Variants in LRRC18 observed in about 807,000 individuals in gnomAD.
The protein encoded by LRRC18 is leucine-rich repeat-containing protein 18.
A neutral mutation model predicts 11.2 loss-of-function variants in LRRC18; 12 were observed. That is an observed-to-expected ratio of 1.07 (90% CI 0.69 to 1.74). LRRC18 has a LOEUF of 1.74. LRRC18 is among the 40% of genes most tolerant of loss of function. LRRC18 has a pLI of 0.00. For synonymous variants in LRRC18, 155 were observed against 130.6 expected (o/e 1.19, Z -1.27); for missense variants, 374 against 330.5 (o/e 1.13, Z -1.02).
the LRRC18 span, among the ~76,000 whole-genome samples, chr10:48,919,491 T>G: frequency 6.6e-6 from 1 of 152,224 alleles, no homozygotes; most frequent in South Asian, 2.1e-4. Flanking sequence ...CAGGCTACTA[T>G]AACAAAGTAC....
chr10:48,928,158 G>A, the LRRC18 span, among the ~76,000 whole-genome samples: 3 of 152,138 alleles, frequency 2.0e-5, no homozygotes, highest in Non-Finnish European at 4.4e-5. Context: ...TCAGAGAAGC[G>A]GCTTGGCAGG....
chr10:48,932,827 G>T, the LRRC18 span, among the ~76,000 whole-genome samples: 1 of 152,246 alleles, frequency 6.6e-6, no homozygotes. Flanking sequence ...TTCTGAGAAA[G>T]CGACATCTGA....
the LRRC18 span, among the ~76,000 whole-genome samples, chr10:48,934,119 G>A: frequency 2.0e-5 from 3 of 152,296 alleles, no homozygotes; most frequent in Non-Finnish European, 4.4e-5. Flanking sequence ...CCTCCTAGAC[G>A]TGTGACTTTG....
the LRRC18 span, among the ~76,000 whole-genome samples, chr10:48,919,671 G>T: frequency 6.6e-6 from 1 of 152,150 alleles, no homozygotes; most frequent in Non-Finnish European, 1.5e-5. Context: ...CAAAACAATT[G>T]TCTGGAGCCC....
chr10:48,929,755 G>A, the LRRC18 span, among the ~76,000 whole-genome samples: 2 of 152,106 alleles, frequency 1.3e-5, no homozygotes, highest in Admixed American at 1.3e-4. Flanking sequence ...TCTGTCCCAA[G>A]CCCAGCTCCC....
chr10:48,937,939 GC>G, the LRRC18 span, among the ~76,000 whole-genome samples: 7 of 152,060 alleles, frequency 4.6e-5, no homozygotes, highest in Admixed American at 4.6e-4. Context: ...GCCACACTCT[GC>G]CCCCAGCATC....
At chr10:48,916,531 C>T (rs1218301301), upstream of LRRC18, among the ~76,000 whole-genome samples, 4 of 152,208 alleles carry the variant, frequency 2.6e-5, no homozygotes, top group African/African-American at 9.7e-5. Context: ...GCTTTGTTTT[C>T]TCTACCCTAC....
At chr10:48,937,878 G>C in the LRRC18 span, among the ~76,000 whole-genome samples, 1 of 152,156 alleles carries the variant, frequency 6.6e-6, no homozygotes, top group Admixed American at 6.5e-5. Context: ...GAGAGAGGGA[G>C]TGTGTTTGGC....
At chr10:48,939,052 G>T in the LRRC18 span, among the ~76,000 whole-genome samples, 7 of 152,184 alleles carry the variant, frequency 4.6e-5, no homozygotes, top group Non-Finnish European at 7.3e-5. Context: ...GCTCAATGCA[G>T]GCACCCAGCA....
At chr10:48,928,590 C>T in the LRRC18 span, among the ~76,000 whole-genome samples, 1 of 152,174 alleles carries the variant, frequency 6.6e-6, no homozygotes, top group South Asian at 2.1e-4. Flanking sequence ...CAAGAGGACA[C>T]ATTGCTCCTT....
chr10:48,920,566 T>C, the LRRC18 span, among the ~76,000 whole-genome samples: 21 of 152,286 alleles, frequency 1.4e-4, no homozygotes, highest in South Asian at 4.2e-3. Context: ...AGTATCATAC[T>C]TCGTGAAGGA....
At chr10:48,937,940 C>T in the LRRC18 span, among the ~76,000 whole-genome samples, 1 of 152,272 alleles carries the variant, frequency 6.6e-6, no homozygotes, top group South Asian at 2.1e-4. Context: ...CCACACTCTG[C>T]CCCCAGCATC....
At chr10:48,918,405 C>G (rs934309438), upstream of LRRC18, among the ~76,000 whole-genome samples, 4 of 152,042 alleles carry the variant, frequency 2.6e-5, no homozygotes, top group African/African-American at 9.7e-5. Flanking sequence ...CATGCAAACA[C>G]TAAAGGAAGG....
At chr10:48,926,081 T>C in the LRRC18 span, among the ~76,000 whole-genome samples, 1 of 152,146 alleles carries the variant, frequency 6.6e-6, no homozygotes, top group African/African-American at 2.4e-5. Flanking sequence ...CCTCTCTCTC[T>C]CCTCCCTCTG....
chr10:48,916,417 C>A (rs902522366), upstream of LRRC18, among the ~76,000 whole-genome samples: 1 of 152,124 alleles, frequency 6.6e-6, no homozygotes, highest in African/African-American at 2.4e-5. Context: ...CTGTCTCATC[C>A]CAGGCCACCC....
chr10:48,910,190 G>GTGTTT, exon 2 of LRRC18: 7 of 1,499,342 alleles, frequency 4.7e-6, no homozygotes, highest in Non-Finnish European at 6.5e-6. Flanking sequence ...CTTCAGAGTC[G>GTGTTT]TTTATTCTGT....
the LRRC18 span, among the ~76,000 whole-genome samples, chr10:48,923,924 G>T: frequency 6.6e-6 from 1 of 152,176 alleles, no homozygotes; most frequent in Admixed American, 6.5e-5. Context: ...CCAGCCAGTT[G>T]GGCCCAGCTG....
upstream of LRRC18, among the ~76,000 whole-genome samples, chr10:48,915,978 A>C (rs901433901): frequency 6.6e-6 from 1 of 152,240 alleles, no homozygotes; most frequent in Non-Finnish European, 1.5e-5. Flanking sequence ...AGGATAAAAC[A>C]GCTTAAAAAA....
upstream of LRRC18, among the ~76,000 whole-genome samples, chr10:48,918,558 G>A (rs2133559507): frequency 6.6e-6 from 1 of 152,230 alleles, no homozygotes; most frequent in African/African-American, 2.4e-5. Flanking sequence ...TAACAGCAGA[G>A]CTTCAATTTA....
Sources: allele counts gnomAD v4.1 joint callset (sites outside exome capture counted in the v4.1 genomes callset), GRCh38; gene constraint gnomAD v4.1.1; transcripts MANE v1.5; gene names NCBI Gene and HGNC (gene_info 2026-07-23, HGNC 2026-07-21).